The following ATP6V0A1 variants were observed in gnomAD, a reference collection of about 807,000 sequenced individuals.
ATP6V0A1 encodes the protein ATPase H+ transporting V0 subunit a1.
A neutral mutation model predicts 105.4 loss-of-function variants in ATP6V0A1; 43 were observed. That is an observed-to-expected ratio of 0.41 (90% CI 0.32 to 0.53). The LOEUF is 0.53. ATP6V0A1 is among the 20% of genes least tolerant of loss of function. ATP6V0A1 has a pLI of 0.30. For missense variants in ATP6V0A1, 676 were observed against 1,051.1 expected (o/e 0.64, Z 4.93); for synonymous variants, 362 against 372.8 (o/e 0.97, Z 0.33).
At chr17:42,501,656 G>A (rs144993221) in intron 17 of ATP6V0A1, among the ~76,000 whole-genome samples, 3,777 of 150,770 alleles carry the variant, frequency 0.025, 69 homozygotes, top group South Asian at 0.066. Context: ...CTCATGATCC[G>A]TCCACCTTGG....
intron 2 of ATP6V0A1, 63 bp from the exon 3 acceptor site, chr17:42,466,366 C>A: frequency 7.1e-7 from 1 of 1,412,520 alleles, no homozygotes; most frequent in African/African-American, 1.4e-5. Context: ...GAATGTGTTG[C>A]TTGAGAAACA....
chr17:42,499,563 G>C (rs982584261), intron 15 of ATP6V0A1, among the ~76,000 whole-genome samples: 3 of 152,016 alleles, frequency 2.0e-5, no homozygotes, highest in Non-Finnish European at 4.4e-5. Flanking sequence ...GAGGCGGGCA[G>C]ATCACTTGAG....
chr17:42,521,402 A>G lies in ATP6V0A1; in HGVS notation c.*282A>G. On this transcript the variant is annotated 3_prime_UTR_variant, in exon 22 of 22. Coordinates refer to ENST00000343619, the MANE Select transcript of ATP6V0A1 (RefSeq NM_001130021.3). This position sits in a 1 kb window ranked among gnomAD's most constrained non-coding sequence, Gnocchi z 4.8. ...CAGCCCTTCCCACCTCCTGGTGGTGAGCCAGTCTGCATTCCCACGCCATCC... is the reference window on the plus strand; with the variant it reads ...CAGCCCTTCCCACCTCCTGGTGGTGGGCCAGTCTGCATTCCCACGCCATCC... 3.7e-6 allele frequency: 1 copy of G among 268,696 alleles called. No homozygotes were observed. The highest frequency in any genetic ancestry group is 7.0e-6 in the Non-Finnish European group (1 of 142,270). 16.6% of individuals were successfully genotyped at this position (268,696 alleles called of 1,614,324 possible). A position where few individuals can be genotyped will look rare whatever the true frequency, so the allele number is the denominator to read the frequency against.
intron 17 of ATP6V0A1, among the ~76,000 whole-genome samples, chr17:42,505,572 T>C (rs2091967554): frequency 1.3e-5 from 2 of 152,046 alleles, no homozygotes; most frequent in Admixed American, 1.3e-4. Flanking sequence ...ACTCCTGACC[T>C]TGTGATCTGC....
At chr17:42,520,235 T>G (rs143906702) in intron 21 of ATP6V0A1, 51 of 356,500 alleles carry the variant, frequency 1.4e-4, no homozygotes, top group African/African-American at 9.6e-4. Context: ...ATCATGCATT[T>G]TTCTGCCCTT....
intron 14 of ATP6V0A1, among the ~76,000 whole-genome samples, chr17:42,498,364 T>C (rs1213637318): frequency 3.9e-5 from 6 of 152,188 alleles, no homozygotes; most frequent in Admixed American, 3.9e-4. Flanking sequence ...AGTAATCTTT[T>C]TTCATGACTA....
chr17:42,482,504 T>C (rs961878580), intron 8 of ATP6V0A1, among the ~76,000 whole-genome samples: 4 of 152,136 alleles, frequency 2.6e-5, no homozygotes, highest in Non-Finnish European at 5.9e-5. Context: ...ATAATTTGCT[T>C]TACTTTTTTT....
chr17:42,495,003 A>C, intron 12 of ATP6V0A1, 31 bp from the exon 13 acceptor site: 5 of 1,605,722 alleles, frequency 3.1e-6, no homozygotes, highest in Non-Finnish European at 4.3e-6. Flanking sequence ...CAGTGAGTAC[A>C]TTCTCATTAC....
intron 17 of ATP6V0A1, among the ~76,000 whole-genome samples, chr17:42,504,215 C>T (rs1047539765): frequency 6.6e-6 from 1 of 152,194 alleles, no homozygotes; most frequent in East Asian, 1.9e-4. Context: ...AGGATATGAA[C>T]AGTGATCTGG....
At chr17:42,493,790 G>T (rs2090894828) in intron 11 of ATP6V0A1, among the ~76,000 whole-genome samples, 1 of 152,024 alleles carries the variant, frequency 6.6e-6, no homozygotes, top group South Asian at 2.1e-4. Context: ...CTCCAGCCTG[G>T]GTGGCAGAGA....
chr17:42,464,796 G>A (rs796505867), intron 2 of ATP6V0A1, among the ~76,000 whole-genome samples: 10 of 152,230 alleles, frequency 6.6e-5, no homozygotes, highest in African/African-American at 1.9e-4. Flanking sequence ...GCTTTTCAAA[G>A]CTAGGACATA....
chr17:42,490,051 G>C (rs1598897617), intron 10 of ATP6V0A1, among the ~76,000 whole-genome samples: 1 of 152,204 alleles, frequency 6.6e-6, no homozygotes, highest in East Asian at 1.9e-4. Context: ...GCCTAAGCAT[G>C]CTCAGCCAGA....
At chr17:42,485,938 A>G (rs1684852422) in intron 9 of ATP6V0A1, among the ~76,000 whole-genome samples, 1 of 152,198 alleles carries the variant, frequency 6.6e-6, no homozygotes, top group Admixed American at 6.5e-5. Flanking sequence ...GCTTTTAAAA[A>G]CAAAGCAAAA....
At chr17:42,508,645 C>T in intron 19 of ATP6V0A1, 56 bp downstream of exon 19, 1 of 1,609,076 alleles carries the variant, frequency 6.2e-7, no homozygotes. Flanking sequence ...TCTTCCCATC[C>T]TTGTGATCAC....
chr17:42,486,209 G>A (rs987855587), intron 9 of ATP6V0A1, among the ~76,000 whole-genome samples: 2 of 152,000 alleles, frequency 1.3e-5, no homozygotes, highest in African/African-American at 4.8e-5. Context: ...TCAGGAGTTC[G>A]AGACCAGCCT....
intron 2 of ATP6V0A1, among the ~76,000 whole-genome samples, chr17:42,465,899 G>C (rs1490221306): frequency 6.6e-6 from 1 of 152,040 alleles, no homozygotes; most frequent in African/African-American, 2.4e-5. Context: ...CTGGGAGGCA[G>C]AGGTTGCAGT....
Position 42,483,142 on chromosome 17 carries a change from G to T in ATP6V0A1, c.810+11G>T. 1 of 1,481,348 alleles carries T rather than the reference G, an allele frequency of 6.8e-7. No homozygotes were observed. Among genetic ancestry groups the T allele is most frequent in the Non-Finnish European group, 9.0e-7 (1 of 1,108,420 alleles). 91.8% of individuals were successfully genotyped at this position (1,481,348 alleles called of 1,614,324 possible). On this transcript the variant is annotated intron_variant, in intron 9 of 21. Coordinates refer to ENST00000343619, the MANE Select transcript of ATP6V0A1 (RefSeq NM_001130021.3). ...GATGATCTCCAAATGGTATGCAGAAGGCTGGAGGGAATTTGTTTTTGTGAA... is the reference window on the plus strand; with the variant it reads ...GATGATCTCCAAATGGTATGCAGAATGCTGGAGGGAATTTGTTTTTGTGAA...
At chr17:42,478,743 G>A (rs1001021870) in intron 7 of ATP6V0A1, 154 bp downstream of exon 7, 5 of 726,144 alleles carry the variant, frequency 6.9e-6, no homozygotes, top group Non-Finnish European at 9.8e-6. Flanking sequence ...CTTCCTCTTA[G>A]TTAATTCCTG....
At chr17:42,460,143 GGTGGAAGGCTTATTCTCT>G (rs2086238271) in intron 1 of ATP6V0A1, 2 of 152,224 alleles carry the variant, frequency 1.3e-5, no homozygotes. Context: ...AAGCTGCAGA[GGTGGAAGGCTTATTCTCT>G]GTGGCTTGAT....
Sources: gnomAD v4.1 joint callset for allele counts (sites outside exome capture counted in the v4.1 genomes callset) on GRCh38, gnomAD v4.1.1 for gene constraint, Gnocchi (gnomAD v3.1) non-coding constraint, MANE v1.5 for transcripts, NCBI Gene and HGNC (gene_info 2026-07-23, HGNC 2026-07-21) for gene names.